The following TRMT61B variants were observed in gnomAD, a reference collection of about 807,000 sequenced individuals.
TRMT61B encodes the protein tRNA methyltransferase 61B, also known as tRNA (adenine(58)-N(1))-methyltransferase, mitochondrial.
TRMT61B carries 56 observed loss-of-function variants against 52.0 expected under a neutral mutation model. That is an observed-to-expected ratio of 1.08 (90% CI 0.87 to 1.35). The LOEUF (loss-of-function observed/expected upper bound fraction) is 1.35. Among genes scored for constraint, TRMT61B ranks in the 40% most tolerant of loss-of-function variants. The probability of loss-of-function intolerance (pLI) is 0.00; values close to 1 mark genes in which losing one functional copy is unlikely to be tolerated. For synonymous variants in TRMT61B, 206 were observed against 220.0 expected, an observed-to-expected ratio of 0.94 and a Z score of 0.56; for missense variants, 650 against 577.9, an observed-to-expected ratio of 1.12 and a Z score of -1.28.
At chr2:28,851,393 A>C in intron 4 of TRMT61B, 95 bp from the exon 5 acceptor site, 1 of 823,232 alleles carries the variant, frequency 1.2e-6, no homozygotes, top group South Asian at 2.2e-5. Context: ...TAAATACCAT[A>C]GTTAAATTAA....
intron 2 of TRMT61B, among the ~76,000 whole-genome samples, chr2:28,864,115 G>GAA (rs551420294): frequency 6.8e-6 from 1 of 146,994 alleles, no homozygotes; most frequent in Non-Finnish European, 1.5e-5. Context: ...AGACTTTCTG[G>GAA]AAAAAAAAAA....
At position 28,869,889 on chromosome 2, in the gene TRMT61B, G is replaced by A. The variant is rs141853498; in HGVS notation, c.389C>T (p.Ser130Phe). The A allele has an allele frequency of 5.4e-5, 87 of 1,614,020 alleles. No individual in the cohort carries two copies. The highest frequency in any genetic ancestry group is 7.0e-5 in the Non-Finnish European group (83 of 1,180,024). The part of the protein sequence containing the change: ...EDPSMLSQAQ[S>F]ATEVEERHVS... ...GTGACGCTCTTCGACCTCGGTAGCG[G>A]ACTGGGCCTGCGAGAGCATCGAAGG... is the stretch of plus-strand genomic sequence containing the variant. Residue 130 changes from serine (S) to phenylalanine (F), a missense_variant, in exon 1 of 7, where the codon TCC (serine) becomes TTC (phenylalanine). Coordinates refer to ENST00000306108, the MANE Select transcript of TRMT61B (RefSeq NM_017910.4).
Position 28,850,399 on chromosome 2 carries a change from G to A in TRMT61B, c.1319C>T (p.Ser440Leu), listed in dbSNP as rs547801009. ...ELFQEDDHEE[S>L]HSDFPYGSFP... is the part of the protein sequence containing the mutation. ...TGATCCATATGGAAAATCAGAATGC[G>A]ATTCTTCTGTTGTAAAAAAATATAT... Residue 440 changes from serine (S) to leucine (L), a missense_variant, in exon 6 of 7, where the codon TCG becomes TTG. By Grantham distance (145) the Ser-to-Leu change is moderately radical (BLOSUM62 -2). Coordinates refer to ENST00000306108, the MANE Select transcript of TRMT61B (RefSeq NM_017910.4). 27 of 1,602,028 alleles carry A rather than the reference G, an allele frequency of 1.7e-5. No individual in the cohort carries two copies. The highest frequency in any genetic ancestry group is 1.2e-4 in the South Asian group (11 of 88,398).
intron 5 of TRMT61B, 124 bp from the exon 6 acceptor site, chr2:28,850,529 T>A: frequency 1.5e-6 from 1 of 649,060 alleles, no homozygotes; most frequent in Non-Finnish European, 2.6e-6. Flanking sequence ...TCCTTGCATA[T>A]GTTTTAGAGC....
intron 2 of TRMT61B, among the ~76,000 whole-genome samples, chr2:28,863,697 A>G (rs1215440366): frequency 6.6e-6 from 1 of 152,216 alleles, no homozygotes; most frequent in East Asian, 1.9e-4. Context: ...TATGTACAGA[A>G]AAGTCAAACA....
rs1464014445 is a variant in TRMT61B, at chr2:28,850,131, G to A, written c.*68C>T. Reference sequence around the variant, plus strand: ...AAAAATGCCAATCTATGGAAGCAGTGATTTTCAATATAAAGTTCTATTTTG... The same window carrying A: ...AAAAATGCCAATCTATGGAAGCAGTAATTTTCAATATAAAGTTCTATTTTG... On this transcript the variant is annotated 3_prime_UTR_variant, in exon 7 of 7. Transcript: ENST00000306108. 1 of 1,431,638 alleles carries A rather than the reference G, an allele frequency of 7.0e-7. No individual in the cohort carries two copies. The highest frequency in any genetic ancestry group is 9.7e-7 in the Non-Finnish European group (1 of 1,030,716). The allele number at this position is 1,431,638 out of a possible 1,614,324, so 88.7% of individuals were successfully genotyped here.
rs150045220 is a variant in TRMT61B at position 28,854,664 on chromosome 2, C to T, written c.994-2165G>A. On this transcript the variant is annotated intron_variant, in intron 3 of 6. Transcript: ENST00000306108. Reference sequence around the variant, plus strand: ...CTGAGGCAGGAGAATAGCTTGAACCCAGGAGGCGGAGTTGCAGTGAGCAGA... The same window carrying T: ...CTGAGGCAGGAGAATAGCTTGAACCTAGGAGGCGGAGTTGCAGTGAGCAGA... Among the ~76,000 whole-genome samples, 288 of 147,662 alleles carry T rather than the reference C, an allele frequency of 2.0e-3. 1 individual carries two copies. The East Asian group carries it at 0.045, about 23-fold the overall frequency.
Position 28,869,910 on chromosome 2 carries a change from G to C in TRMT61B, c.368C>G (p.Ser123Trp), listed in dbSNP as rs773420398. 3 of 1,613,852 alleles carry C rather than the reference G, an allele frequency of 1.9e-6. No individual in the cohort carries two copies. In the Admixed American group the frequency reaches 5.0e-5, roughly 27 times the overall value. ...AGCGGACTGGGCCTGCGAGAGCATCGAAGGATCCTCGGATCCCTGGTGTGT... is the reference window on the plus strand; with the variant it reads ...AGCGGACTGGGCCTGCGAGAGCATCCAAGGATCCTCGGATCCCTGGTGTGT... The part of the protein sequence containing the change: ...GPTHQGSEDP[S>W]MLSQAQSATE... The change falls in exon 1 of 7, where the codon TCG becomes TGG. Residue 123 changes from serine to tryptophan, a missense_variant. Transcript: ENST00000306108.
rs373380463 is a variant in TRMT61B, at chr2:28,869,729, G to C, written c.549C>G (p.Asn183Lys). The C allele has an allele frequency of 1.7e-5, 28 of 1,614,064 alleles. No individual in the cohort carries two copies. The highest frequency in any genetic ancestry group is 2.7e-5 in the African/African-American group (2 of 74,916). The part of the protein sequence containing the change: ...RLNNFGLLNS[N>K]WGAVPFGKIV... ...TCTTGCCGAACGGGACTGCCCCCCA[G>C]TTACTATTTAAGAGTCCGAAGTTGT... The change falls in exon 1 of 7, where the codon AAC becomes AAG. Residue 183 changes from asparagine to lysine, a missense_variant. Transcript: ENST00000306108.
At chr2:28,851,840 C>T (rs1331734425) in intron 4 of TRMT61B, among the ~76,000 whole-genome samples, 1 of 131,726 alleles carries the variant, frequency 7.6e-6, no homozygotes, top group Non-Finnish European at 1.5e-5. Context: ...GATCATGACA[C>T]TGCACCCCAG....
In TRMT61B at chr2:28,854,738, CAAAAAAAAAAAAAAAAAAA is replaced by C. The variant is rs57513823; in HGVS notation, c.994-2258_994-2240del. Among the ~76,000 whole-genome samples the C allele has an allele frequency of 5.2e-4, 45 of 86,414 alleles. 2 individuals are homozygous for C. In the East Asian group the frequency reaches 6.7e-3, roughly 13 times the overall value. 56.7% of individuals were successfully genotyped at this position (86,414 alleles called of 152,430 possible). A position where few individuals can be genotyped will look rare whatever the true frequency, so the allele number is the denominator to read the frequency against. ...TGGGCGACAGAGCGAGACTCCGTCT[CAAAAAAAAAAAAAAAAAAA>C]AAAAAAAAAAAAAACTGCCAGGCGT... On this transcript the variant is annotated intron_variant, in intron 3 of 6. Transcript: ENST00000306108.
intron 3 of TRMT61B, among the ~76,000 whole-genome samples, chr2:28,857,973 T>C (rs1669417800): frequency 6.6e-6 from 1 of 152,222 alleles, no homozygotes; most frequent in East Asian, 1.9e-4. Flanking sequence ...TAGAGTACAT[T>C]TATTGTTAGT....
At chr2:28,866,924 T>C (rs1240810192) in intron 1 of TRMT61B, among the ~76,000 whole-genome samples, 1 of 151,428 alleles carries the variant, frequency 6.6e-6, no homozygotes. Context: ...GCCTCCAAAG[T>C]AGCTGGGACC....
At chr2:28,860,196 C>T (rs1359183983) in intron 3 of TRMT61B, among the ~76,000 whole-genome samples, 4 of 138,542 alleles carry the variant, frequency 2.9e-5, no homozygotes, top group African/African-American at 1.1e-4. Context: ...CGCTTGAACC[C>T]GGCAGGCGGA....
At position 28,869,711 on chromosome 2, in the gene TRMT61B, GAAC is replaced by G. The variant is rs778848659; in HGVS notation, c.564_566del (p.Phe189del). ...CGGGGAACTTCCCCACGATCTTGCC[GAAC>G]GGGACTGCCCCCCAGTTACTATTTA... On this transcript the variant is annotated inframe_deletion, in exon 1 of 7. Coordinates refer to ENST00000306108, the MANE Select transcript of TRMT61B (RefSeq NM_017910.4). 5.6e-6 allele frequency: 9 copies of G among 1,614,170 alleles called. No homozygotes were observed. The South Asian group carries it at 9.9e-5, about 18-fold the overall frequency.
At position 28,865,079 on chromosome 2, in the gene TRMT61B, C is replaced by A. The variant is rs535325239; in HGVS notation, c.740G>T (p.Gly247Val). Residue 247 changes from glycine (G) to valine (V), a missense_variant, in exon 2 of 7, where the codon GGT becomes GTT. Coordinates refer to ENST00000306108, the MANE Select transcript of TRMT61B (RefSeq NM_017910.4). The part of the protein sequence containing the change: ...MILSMMDINP[G>V]DTVLEAGSGS... ...TGAGCCAGCTTCCAAAACAGTATCA[C>A]CTGGGTTGATATCCATCATTGAGAG... 1 of 1,612,992 alleles carries A rather than the reference C, an allele frequency of 6.2e-7. No homozygotes were observed. The highest frequency in any genetic ancestry group is 1.3e-5 in the African/African-American group (1 of 75,036).
At chr2:28,868,074 C>T (rs1486633453) in intron 1 of TRMT61B, among the ~76,000 whole-genome samples, 1 of 152,048 alleles carries the variant, frequency 6.6e-6, no homozygotes, top group Non-Finnish European at 1.5e-5. Flanking sequence ...GCTTATTATA[C>T]CTCAGTAGCC....
intron 3 of TRMT61B, among the ~76,000 whole-genome samples, chr2:28,856,155 T>A (rs1669331087): frequency 6.6e-6 from 1 of 152,162 alleles, no homozygotes; most frequent in Non-Finnish European, 1.5e-5. Context: ...ATTTATCCAG[T>A]TACTCAAACC....
chr2:28,859,045 C>T (rs1020543111), intron 3 of TRMT61B, among the ~76,000 whole-genome samples: 1 of 151,130 alleles, frequency 6.6e-6, no homozygotes, highest in Non-Finnish European at 1.5e-5. Context: ...TAGGCGCCCA[C>T]CGCCATGCCT....
Sources: gnomAD v4.1 joint callset for allele counts (sites outside exome capture counted in the v4.1 genomes callset) on GRCh38, gnomAD v4.1.1 for gene constraint, MANE v1.5 for transcripts, NCBI Gene and HGNC (gene_info 2026-07-23, HGNC 2026-07-21) for gene names.